Variants in EXOC2 observed in about 807,000 individuals in gnomAD.
The protein encoded by EXOC2 is exocyst complex component 2.
A neutral mutation model predicts 131.8 loss-of-function variants in EXOC2; 70 were observed. That is an observed-to-expected ratio of 0.53 (90% CI 0.44 to 0.65). The LOEUF (loss-of-function observed/expected upper bound fraction) is 0.65, where lower values mean the gene tolerates loss of function less well. Ranked by LOEUF, EXOC2 falls within the 30% of genes least tolerant of loss-of-function variation. The probability of loss-of-function intolerance (pLI) is 0.00; values close to 1 mark genes in which losing one functional copy is unlikely to be tolerated. For synonymous variants in EXOC2, 411 were observed against 398.4 expected (o/e 1.03, Z -0.38); for missense variants, 923 against 1,108.6 (o/e 0.83, Z 2.38).
chr6:654,965 T>G (rs1407774488), intron 1 of EXOC2, among the ~76,000 whole-genome samples: 1 of 152,076 alleles, frequency 6.6e-6, no homozygotes, highest in Admixed American at 6.6e-5. Flanking sequence ...CACAGCATCC[T>G]GAAGATGCTG....
chr6:563,521 A>C (rs1167565326), intron 16 of EXOC2, among the ~76,000 whole-genome samples: 1 of 152,224 alleles, frequency 6.6e-6, no homozygotes, highest in Non-Finnish European at 1.5e-5. Flanking sequence ...ATATTTAATA[A>C]CTAAAAGGCT....
rs914537682 is a variant in EXOC2 at position 485,980 on chromosome 6, G to C, written c.*691C>G. On this transcript the variant is annotated 3_prime_UTR_variant, in exon 28 of 28. Coordinates refer to ENST00000230449, the MANE Select transcript of EXOC2 (RefSeq NM_018303.6). The stretch of plus-strand genomic sequence containing the variant: ...CTCAGGGACTGCAACACGTGCATGT[G>C]TAGTGACGCACGACAAATTAAGAGT... The C allele has an allele frequency of 6.6e-6, 1 of 152,252 alleles. No individual in the cohort carries two copies. The highest frequency in any genetic ancestry group is 2.4e-5 in the African/African-American group (1 of 41,452). The allele number at this position is 152,252 out of a possible 1,614,324, so 9.4% of individuals were successfully genotyped here.
chr6:620,911 T>C (rs921072915), intron 4 of EXOC2, among the ~76,000 whole-genome samples: 1 of 152,164 alleles, frequency 6.6e-6, no homozygotes, highest in Admixed American at 6.5e-5. Flanking sequence ...GCTCTCTGCC[T>C]GCCAGGTATT....
chr6:603,603 C>T (rs915725130), intron 7 of EXOC2, among the ~76,000 whole-genome samples: 1 of 152,004 alleles, frequency 6.6e-6, no homozygotes, highest in African/African-American at 2.4e-5. Context: ...TTAATTTTTT[C>T]TATCTTCTTC....
At chr6:613,091 C>T (rs1173258970) in intron 6 of EXOC2, among the ~76,000 whole-genome samples, 3 of 152,158 alleles carry the variant, frequency 2.0e-5, no homozygotes, top group African/African-American at 4.8e-5. Context: ...CTGCTAACAA[C>T]CCACAGGTCA....
At chr6:540,702 T>C (rs1357172532) in intron 22 of EXOC2, among the ~76,000 whole-genome samples, 4 of 152,008 alleles carry the variant, frequency 2.6e-5, no homozygotes, top group South Asian at 2.1e-4. Flanking sequence ...ATACACCCAA[T>C]AGGAGATCTT....
chr6:567,859 T>A (rs1194933955), intron 13 of EXOC2, among the ~76,000 whole-genome samples: 2 of 151,972 alleles, frequency 1.3e-5, no homozygotes, highest in East Asian at 3.9e-4. Flanking sequence ...GACATGAGAG[T>A]GGCCCCGGGA....
At chr6:583,160 T>C (rs1486486261) in intron 11 of EXOC2, among the ~76,000 whole-genome samples, 2 of 152,140 alleles carry the variant, frequency 1.3e-5, no homozygotes, top group South Asian at 2.1e-4. Context: ...TTAGAACATA[T>C]AAAGGAATTA....
chr6:589,554 C>T (rs1759417822), intron 11 of EXOC2, among the ~76,000 whole-genome samples: 1 of 152,228 alleles, frequency 6.6e-6, no homozygotes, highest in South Asian at 2.1e-4. Context: ...TCCCCACTAC[C>T]TCACACTTTT....
intron 23 of EXOC2, among the ~76,000 whole-genome samples, chr6:504,300 C>T (rs143878875): frequency 1.3e-5 from 2 of 152,184 alleles, no homozygotes; most frequent in Non-Finnish European, 2.9e-5. Flanking sequence ...AGGCAGAGGC[C>T]GTCAGAGAGG....
At chr6:518,901 C>T (rs1181767632) in intron 23 of EXOC2, among the ~76,000 whole-genome samples, 2 of 152,164 alleles carry the variant, frequency 1.3e-5, no homozygotes, top group African/African-American at 4.8e-5. Context: ...GATAGTTTTC[C>T]ATCAGAGTTC....
In EXOC2 at chr6:667,272, T is replaced by C. The variant is rs1378944580; in HGVS notation, c.-44+25747A>G. Among the ~76,000 whole-genome samples, 2 of 98,098 alleles carry C rather than the reference T, an allele frequency of 2.0e-5. 1 individual carries two copies. The highest frequency in any genetic ancestry group is 4.8e-5 in the Non-Finnish European group (2 of 41,286). The allele number at this position is 98,098 out of a possible 152,430, so 64.4% of individuals were successfully genotyped here. ...GTTTCTTACAAGGAAGGTTTACTGG[T>C]AACAAATTTCCTCAACTTTTGTTTA... On this transcript the variant is annotated intron_variant, in intron 1 of 27. Coordinates refer to ENST00000230449, the MANE Select transcript of EXOC2 (RefSeq NM_018303.6).
chr6:501,157 CTATATATATTATATATATCTATATAT>C (rs1764061329), intron 23 of EXOC2, among the ~76,000 whole-genome samples: 6 of 30,968 alleles, frequency 1.9e-4, no homozygotes, highest in African/African-American at 2.8e-4. Flanking sequence ...TTATATATAT[CTATATATATTATATATATCTATATAT>C]TATATATATC....
intron 23 of EXOC2, among the ~76,000 whole-genome samples, chr6:526,204 T>C (rs1232216865): frequency 6.6e-6 from 1 of 152,196 alleles, no homozygotes; most frequent in Admixed American, 6.5e-5. Flanking sequence ...GATGACGGAA[T>C]AGTTTTTTTC....
chr6:665,290 T>C lies in EXOC2; in HGVS notation c.-43-27429A>G, dbSNP rs539044810. On this transcript the variant is annotated intron_variant, in intron 1 of 27. Coordinates refer to ENST00000230449, the MANE Select transcript of EXOC2 (RefSeq NM_018303.6). ...TCGAAAAATCAAAAACCAGTACATG[T>C]TGGTGTAGATGCGGTGAACAGGGAA... Among the ~76,000 whole-genome samples, 3 of 152,278 alleles carry C rather than the reference T, an allele frequency of 2.0e-5. No homozygotes were observed. The East Asian group carries it at 5.8e-4, about 29-fold the overall frequency.
chr6:551,831 C>A (rs1271100083), intron 21 of EXOC2, among the ~76,000 whole-genome samples: 1 of 152,232 alleles, frequency 6.6e-6, no homozygotes, highest in Non-Finnish European at 1.5e-5. Flanking sequence ...GCTGCTCTAT[C>A]TGGATTTCCT....
At chr6:644,579 T>C (rs1762496669) in intron 1 of EXOC2, among the ~76,000 whole-genome samples, 1 of 152,166 alleles carries the variant, frequency 6.6e-6, no homozygotes, top group Admixed American at 6.5e-5. Flanking sequence ...GCAGATGACA[T>C]GATTGCTTAT....
intron 23 of EXOC2, among the ~76,000 whole-genome samples, chr6:520,796 C>T (rs1272150509): frequency 1.4e-5 from 2 of 142,078 alleles, no homozygotes; most frequent in African/African-American, 5.5e-5. Context: ...CCAACACTCA[C>T]CGTCCACACT....
At chr6:550,832 G>C (rs906135229) in intron 21 of EXOC2, among the ~76,000 whole-genome samples, 3 of 152,194 alleles carry the variant, frequency 2.0e-5, no homozygotes, top group Non-Finnish European at 2.9e-5. Flanking sequence ...GCTCAGTTTT[G>C]AAAATCAATC....
Sources: gnomAD v4.1 joint callset for allele counts (sites outside exome capture counted in the v4.1 genomes callset) on GRCh38, gnomAD v4.1.1 for gene constraint, MANE v1.5 for transcripts, NCBI Gene and HGNC (gene_info 2026-07-23, HGNC 2026-07-21) for gene names.